Variants in ZDHHC17 observed in about 807,000 individuals in gnomAD.
ZDHHC17 encodes palmitoyltransferase ZDHHC17.
ZDHHC17 carries 40 observed loss-of-function variants against 90.3 expected under a neutral mutation model. That is an observed-to-expected ratio of 0.44 (90% CI 0.34 to 0.58). ZDHHC17 has a LOEUF of 0.58. Among genes scored for constraint, ZDHHC17 ranks in the 20% least tolerant of loss-of-function variants. The pLI is 0.01. For missense variants in ZDHHC17, 614 were observed against 780.8 expected (o/e 0.79, Z 2.55); for synonymous variants, 235 against 252.4 (o/e 0.93, Z 0.65).
chr12:76,803,701 T>C (rs942438359), intron 2 of ZDHHC17, among the ~76,000 whole-genome samples: 8 of 152,190 alleles, frequency 5.3e-5, no homozygotes, highest in Non-Finnish European at 2.9e-5. Context: ...GACAAATTCT[T>C]TTAATCCCGT....
At chr12:76,765,883 TAGA>T (rs1435169821) in intron 1 of ZDHHC17, among the ~76,000 whole-genome samples, 1 of 152,116 alleles carries the variant, frequency 6.6e-6, no homozygotes, top group East Asian at 1.9e-4. Flanking sequence ...TTATTATTTG[TAGA>T]AGAAGAGGTC....
chr12:76,785,575 C>T (rs894764224), intron 1 of ZDHHC17, among the ~76,000 whole-genome samples: 1 of 152,130 alleles, frequency 6.6e-6, no homozygotes, highest in South Asian at 2.1e-4. Flanking sequence ...TATTGTTCAC[C>T]ATCCTTAGTC....
At chr12:76,843,083 G>GA in intron 12 of ZDHHC17, 102 bp downstream of exon 12, 1 of 821,606 alleles carries the variant, frequency 1.2e-6, no homozygotes. Context: ...TATTTTCAAT[G>GA]AACACATTCC....
At chr12:76,841,392 T>C (rs1953432894) in intron 10 of ZDHHC17, among the ~76,000 whole-genome samples, 1 of 152,238 alleles carries the variant, frequency 6.6e-6, no homozygotes, top group African/African-American at 2.4e-5. Flanking sequence ...GCGACATTGC[T>C]GTATTTTTTA....
chr12:76,764,310 T>C lies in ZDHHC17; in HGVS notation c.74T>C (p.Val25Ala). 1 of 1,603,276 alleles carries C rather than the reference T, an allele frequency of 6.2e-7. No homozygotes were observed. The change falls in exon 1 of 17, where the codon GTG (valine) becomes GCG (alanine). Residue 25 changes from valine (V) to alanine (A), a missense_variant. Coordinates refer to ENST00000426126, the MANE Select transcript of ZDHHC17 (RefSeq NM_015336.4). ...PDEYDTEAGCVPLLHPEEIKP... is the reference protein window; with the variant it reads ...PDEYDTEAGCAPLLHPEEIKP... Reference sequence around the variant, plus strand: ...GAGTACGATACCGAAGCGGGCTGTGTGCCCCTTCTCCACCCAGAGGTGAGG... The same window carrying C: ...GAGTACGATACCGAAGCGGGCTGTGCGCCCCTTCTCCACCCAGAGGTGAGG...
chr12:76,805,442 A>G lies in ZDHHC17; in HGVS notation c.320+3A>G, dbSNP rs1323256426. The G allele has an allele frequency of 6.4e-7, 1 of 1,553,318 alleles. No homozygotes were observed. Among genetic ancestry groups the G allele is most frequent in the Admixed American group, 1.9e-5 (1 of 52,630 alleles). ...AATAACAGAATAGATTTAGTCAAGT[A>G]TGTATTTTCTCTATTTTTAATTATT... On this transcript the variant is annotated splice_donor_region_variant and intron_variant, in intron 3 of 16. Transcript: ENST00000426126.
intron 1 of ZDHHC17, among the ~76,000 whole-genome samples, chr12:76,770,213 TGTG>T (rs991742428): frequency 1.2e-4 from 19 of 152,244 alleles, no homozygotes; most frequent in Admixed American, 1.2e-3. Context: ...CTATTAATAT[TGTG>T]GTAAAAAGTA....
chr12:76,794,414 A>G (rs912405666), intron 1 of ZDHHC17, among the ~76,000 whole-genome samples: 2 of 152,210 alleles, frequency 1.3e-5, no homozygotes, highest in African/African-American at 2.4e-5. Context: ...ACAAGGTACT[A>G]GTCCTAGAGA....
At chr12:76,769,299 A>G in intron 1 of ZDHHC17, 1 of 158,896 alleles carries the variant, frequency 6.3e-6, no homozygotes, top group Non-Finnish European at 1.4e-5. Context: ...ACCTCAGGTG[A>G]TCCACCCGCC....
chr12:76,834,591 T>C (rs1380977939), intron 10 of ZDHHC17, among the ~76,000 whole-genome samples: 4 of 152,206 alleles, frequency 2.6e-5, no homozygotes, highest in Non-Finnish European at 4.4e-5. Flanking sequence ...TTAATGTCTA[T>C]CTTCAGTTAT....
chr12:76,771,206 A>G (rs900362115), intron 1 of ZDHHC17, among the ~76,000 whole-genome samples: 12 of 152,206 alleles, frequency 7.9e-5, no homozygotes, highest in Non-Finnish European at 1.6e-4. Flanking sequence ...TAGACCTAGG[A>G]TAAAATATCT....
intron 1 of ZDHHC17, among the ~76,000 whole-genome samples, chr12:76,766,990 T>C (rs1224925830): frequency 3.4e-5 from 5 of 145,854 alleles, no homozygotes; most frequent in Non-Finnish European, 6.0e-5. Flanking sequence ...CTGTACTCCA[T>C]CCTGGGTGAC....
At chr12:76,803,344 G>A (rs1465775388) in intron 2 of ZDHHC17, among the ~76,000 whole-genome samples, 6 of 152,168 alleles carry the variant, frequency 3.9e-5, no homozygotes, top group African/African-American at 1.4e-4. Flanking sequence ...GTCCTTTCCC[G>A]CATTGTGGAG....
chr12:76,787,044 C>T lies in ZDHHC17; in HGVS notation c.94-10390C>T, dbSNP rs10219534. Among the ~76,000 whole-genome samples, 558 of 152,258 alleles carry T rather than the reference C, an allele frequency of 3.7e-3. 4 individuals carry two copies. Among genetic ancestry groups the T allele is most frequent in the African/African-American group, 0.012 (510 of 41,534 alleles). ...AGATAATTTACATGTGCACTTGATG[C>T]AAACATTTAAAAAACCAAAATAAAA... On this transcript the variant is annotated intron_variant, in intron 1 of 16. Coordinates refer to ENST00000426126, the MANE Select transcript of ZDHHC17 (RefSeq NM_015336.4).
chr12:76,807,097 G>A (rs548702580), intron 3 of ZDHHC17, among the ~76,000 whole-genome samples: 2 of 152,288 alleles, frequency 1.3e-5, no homozygotes, highest in East Asian at 3.9e-4. Context: ...GAAGTTTAGG[G>A]ACACAAGAAT....
intron 1 of ZDHHC17, among the ~76,000 whole-genome samples, chr12:76,768,191 ATTAT>A (rs1257940793): frequency 1.3e-5 from 2 of 152,192 alleles, no homozygotes; most frequent in Non-Finnish European, 2.9e-5. Flanking sequence ...GAAATAGGTG[ATTAT>A]TTGTTTTATT....
At position 76,764,408 on chromosome 12, in the gene ZDHHC17, C is replaced by A. The variant is rs1031313704; in HGVS notation, c.93+79C>A. ...CCCCGGACTCGCCGAGGGCGGCGGC[C>A]GACGTGTGTGGGGTAGTGGGACGTG... On this transcript the variant is annotated intron_variant, in intron 1 of 16. Transcript: ENST00000426126. The A allele has an allele frequency of 4.6e-5, 63 of 1,377,048 alleles. No homozygotes were observed. In the East Asian group the frequency reaches 1.6e-3, roughly 34 times the overall value. 85.3% of individuals were successfully genotyped at this position (1,377,048 alleles called of 1,614,324 possible).
intron 15 of ZDHHC17, 86 bp from the exon 16 acceptor site, chr12:76,849,290 T>G: frequency 2.9e-6 from 2 of 694,610 alleles, no homozygotes; most frequent in Non-Finnish European, 2.2e-6. Flanking sequence ...CGCCATTGCA[T>G]TTTAGCCTGG....
chr12:76,838,695 C>G (rs1953398103), intron 10 of ZDHHC17, among the ~76,000 whole-genome samples: 1 of 152,154 alleles, frequency 6.6e-6, no homozygotes, highest in South Asian at 2.1e-4. Context: ...TTTGTTAAGT[C>G]ACCTTATTAA....
Sources: gnomAD v4.1 joint callset for allele counts (sites outside exome capture counted in the v4.1 genomes callset) on GRCh38, gnomAD v4.1.1 for gene constraint, MANE v1.5 for transcripts, NCBI Gene and HGNC (gene_info 2026-07-23, HGNC 2026-07-21) for gene names.